BCAT2: variants seen among roughly 807,000 people sequenced by gnomAD.
The protein encoded by BCAT2 is branched-chain-amino-acid aminotransferase, mitochondrial.
A neutral mutation model predicts 52.9 loss-of-function variants in BCAT2; 44 were observed. That is an observed-to-expected ratio of 0.83 (90% CI 0.65 to 1.07). The LOEUF is 1.07. Ranked by LOEUF, BCAT2 falls within the 50% of genes least tolerant of loss-of-function variation. The pLI is 0.00. For missense variants in BCAT2, 478 were observed against 521.8 expected (o/e 0.92, Z 0.82); for synonymous variants, 215 against 217.1 (o/e 0.99, Z 0.08).
rs1377095264 is a variant in BCAT2, at chr19:48,797,014, G to C, written c.847C>G (p.Leu283Val). The C allele has an allele frequency of 3.7e-6, 6 of 1,614,066 alleles. No individual in the cohort carries two copies. Among genetic ancestry groups the C allele is most frequent in the African/African-American group, 1.3e-5 (1 of 74,922 alleles). ...ACACCATTCAGCGGGGGCGTCACCA[G>C]CTCCAGCACTAGGGCAGGTGTAAGG... ...YWTHEDGVLE[L>V]VTPPLNGVIL... The change falls in exon 8 of 11, where the codon CTG (leucine) becomes GTG (valine). Residue 283 changes from leucine (L) to valine (V), a missense_variant. Leu to Val is a conservative substitution (Grantham distance 32, BLOSUM62 1). Transcript: ENST00000316273.
chr19:48,798,028 A>G (rs1403322619), intron 6 of BCAT2, among the ~76,000 whole-genome samples: 1 of 151,886 alleles, frequency 6.6e-6, no homozygotes, highest in Non-Finnish European at 1.5e-5. Context: ...TCAGCCCCCC[A>G]AAGTGCTGGG....
intron 6 of BCAT2, chr19:48,797,553 C>G: frequency 1.7e-6 from 1 of 594,558 alleles, no homozygotes; most frequent in Non-Finnish European, 2.9e-6. Flanking sequence ...TCTTTCTTTT[C>G]TTTTCTTTTT....
In BCAT2 at chr19:48,800,189, G is replaced by A; in HGVS notation, c.409C>T (p.Pro137Ser). ...MLRSAMRLCL[P>S]SFDKLELLEC... ...CCCGGTGGACCGGGACCCCTCACCGGCAGGCACAGGCGCATGGCTGAGCGC... is the reference window on the plus strand; with the variant it reads ...CCCGGTGGACCGGGACCCCTCACCGACAGGCACAGGCGCATGGCTGAGCGC... Residue 137 changes from proline (P) to serine (S), a missense_variant and splice_region_variant, in exon 4 of 11, where the codon CCG (proline) becomes TCG (serine). Transcript: ENST00000316273. The A allele has an allele frequency of 6.2e-7, 1 of 1,613,284 alleles. No homozygotes were observed. The highest frequency in any genetic ancestry group is 8.5e-7 in the Non-Finnish European group (1 of 1,179,778).
At chr19:48,801,619 G>GT (rs1253924700) in intron 3 of BCAT2, among the ~76,000 whole-genome samples, 1 of 151,822 alleles carries the variant, frequency 6.6e-6, no homozygotes, top group African/African-American at 2.4e-5. Flanking sequence ...AAAAATAACT[G>GT]TTTTATATCT....
chr19:48,796,368 G>C, intron 10 of BCAT2, 60 bp downstream of exon 10: 2 of 1,601,312 alleles, frequency 1.2e-6, no homozygotes, highest in East Asian at 4.5e-5. Flanking sequence ...GGGGCTCATG[G>C]GACACCAACT....
At chr19:48,801,343 C>T (rs2034653780) in intron 3 of BCAT2, among the ~76,000 whole-genome samples, 1 of 151,374 alleles carries the variant, frequency 6.6e-6, no homozygotes, top group African/African-American at 2.4e-5. Flanking sequence ...ACCACCACCA[C>T]AAAAATGAGG....
Position 48,810,992 on chromosome 19 carries a change from G to C in BCAT2, c.16C>G (p.Leu6Val). The C allele has an allele frequency of 6.2e-7, 1 of 1,608,328 alleles. No homozygotes were observed. Among genetic ancestry groups the C allele is most frequent in the Non-Finnish European group, 8.5e-7 (1 of 1,178,140 alleles). Reference protein sequence around the residue: MAAAALGQIWARKLLS... With the variant: MAAAAVGQIWARKLLS... ...CGGGGCTGCGAACCCACCTGCCCCA[G>C]AGCGGCTGCGGCCATGATCCGTGCG... is the stretch of plus-strand genomic sequence containing the variant. Residue 6 changes from leucine (L) to valine (V), a missense_variant, in exon 1 of 11, where the codon CTG becomes GTG. Physicochemically the swap from Leu to Val is conservative, Grantham distance 32. Coordinates refer to ENST00000316273, the MANE Select transcript of BCAT2 (RefSeq NM_001190.4).
chr19:48,797,083 G>A (rs2034541476), intron 7 of BCAT2, 61 bp from the exon 8 acceptor site: 5 of 1,610,544 alleles, frequency 3.1e-6, no homozygotes, highest in East Asian at 4.5e-5. Flanking sequence ...GCCGTCTTAA[G>A]AGCCACCCCC....
Position 48,807,108 on chromosome 19 carries a change from T to C in BCAT2, c.25-34A>G. On this transcript the variant is annotated intron_variant, in intron 1 of 10. Coordinates refer to ENST00000316273, the MANE Select transcript of BCAT2 (RefSeq NM_001190.4). The surrounding 1 kb of genome is among the most constrained non-coding windows in gnomAD (Gnocchi z 4.6). ...AGAAAGAAGTGAGAGAGGGGGTGAG[T>C]GGGGCACAGCAGGGGCCCTGGCAGC... The C allele has an allele frequency of 6.3e-7, 1 of 1,584,604 alleles. No homozygotes were observed. Among genetic ancestry groups the C allele is most frequent in the Non-Finnish European group, 8.6e-7 (1 of 1,157,632 alleles).
rs1005224485 is a variant in BCAT2, at chr19:48,807,336, A to G, written c.25-262T>C. ...GTCAAACGCAAGCGCCTCCCACCCC[A>G]GAGACCTTTGGTCGCAGCCTGGAGA... is the stretch of plus-strand genomic sequence containing the variant. On this transcript the variant is annotated intron_variant, in intron 1 of 10. Coordinates refer to ENST00000316273, the MANE Select transcript of BCAT2 (RefSeq NM_001190.4). The surrounding 1 kb of genome is among the most constrained non-coding windows in gnomAD (Gnocchi z 4.6). 1.0e-5 allele frequency: 4 copies of G among 400,322 alleles called. No individual in the cohort carries two copies. The highest frequency in any genetic ancestry group is 2.1e-5 in the African/African-American group (1 of 47,558). 24.8% of individuals were successfully genotyped at this position (400,322 alleles called of 1,614,324 possible).
chr19:48,799,947 C>G lies in BCAT2; in HGVS notation c.531+34G>C, dbSNP rs757000896. 32 of 1,610,190 alleles carry G rather than the reference C, an allele frequency of 2.0e-5. No individual in the cohort carries two copies. Among genetic ancestry groups the G allele is most frequent in the Non-Finnish European group, 2.5e-5 (29 of 1,177,584 alleles). On this transcript the variant is annotated intron_variant, in intron 5 of 10. Coordinates refer to ENST00000316273, the MANE Select transcript of BCAT2 (RefSeq NM_001190.4). This position sits in a 1 kb window ranked among gnomAD's most constrained non-coding sequence, Gnocchi z 5.5. The stretch of plus-strand genomic sequence containing the variant: ...CCTGCCCTGCAGAATCCAACCCCCG[C>G]AGCCCAGCTTCCCAGCCCTGGAGTT...
chr19:48,796,373 C>G, intron 10 of BCAT2, 55 bp downstream of exon 10: 13 of 1,608,274 alleles, frequency 8.1e-6, no homozygotes, highest in Non-Finnish European at 1.1e-5. Context: ...TCATGGGACA[C>G]CAACTTCTCC....
At position 48,796,687 on chromosome 19, in the gene BCAT2, G is replaced by T; in HGVS notation, c.956C>A (p.Thr319Asn). 6.2e-7 allele frequency: 1 copy of T among 1,613,156 alleles called. No homozygotes were observed. Among genetic ancestry groups the T allele is most frequent in the African/African-American group, 1.3e-5 (1 of 75,078 alleles). Reference protein sequence around the residue: ...GEFRVVERTITMKQLLRALEE... With the variant: ...GEFRVVERTINMKQLLRALEE... Reference sequence around the variant, plus strand: ...CAGGGCCCGCAGCAACTGCTTCATGGTGATCGTGCGCTCCACCACCCGGAA... The same window carrying T: ...CAGGGCCCGCAGCAACTGCTTCATGTTGATCGTGCGCTCCACCACCCGGAA... The change falls in exon 9 of 11, where the codon ACC becomes AAC. Residue 319 changes from threonine (T) to asparagine (N), a missense_variant. Physicochemically the swap from Thr to Asn is moderately conservative, Grantham distance 65. Coordinates refer to ENST00000316273, the MANE Select transcript of BCAT2 (RefSeq NM_001190.4).
Position 48,799,048 on chromosome 19 carries a change from T to C in BCAT2, c.695+627A>G, listed in dbSNP as rs1264251533. Reference sequence around the variant, plus strand: ...CAGGAGAGCAGGGCTCGGGGCTGACTCATCTGTGTCCCCAGCTTCTGCCAG... The same window carrying C: ...CAGGAGAGCAGGGCTCGGGGCTGACCCATCTGTGTCCCCAGCTTCTGCCAG... On this transcript the variant is annotated intron_variant, in intron 6 of 10. Coordinates refer to ENST00000316273, the MANE Select transcript of BCAT2 (RefSeq NM_001190.4). The surrounding 1 kb of genome is among the most constrained non-coding windows in gnomAD (Gnocchi z 5.5). 1 of 152,242 alleles carries C rather than the reference T, an allele frequency of 6.6e-6. No homozygotes were observed. The highest frequency in any genetic ancestry group is 2.4e-5 in the African/African-American group (1 of 41,386). The allele number at this position is 152,242 out of a possible 1,614,324, so 9.4% of individuals were successfully genotyped here. A position where few individuals can be genotyped will look rare whatever the true frequency, so the allele number is the denominator to read the frequency against.
At chr19:48,797,672 T>TCCTGAGTAACTGGAGTAA (rs1555773392) in intron 6 of BCAT2, 4 of 285,070 alleles carry the variant, frequency 1.4e-5, no homozygotes, top group Admixed American at 4.8e-5. Flanking sequence ...TGCCTCAGCC[T>TCCTGAGTAACTGGAGTAA]CTCTTGACCT....
intron 6 of BCAT2, among the ~76,000 whole-genome samples, chr19:48,798,547 T>C (rs2034582530): frequency 6.6e-6 from 1 of 152,192 alleles, no homozygotes; most frequent in Non-Finnish European, 1.5e-5. Context: ...CTGGAAACAG[T>C]TTGCTGACTT....
chr19:48,802,441 C>CTTTTTT (rs35775607), intron 3 of BCAT2, among the ~76,000 whole-genome samples: 22 of 87,024 alleles, frequency 2.5e-4, no homozygotes, highest in East Asian at 7.3e-4. Flanking sequence ...TACTGGATTC[C>CTTTTTT]TTTTTTTTTT....
At position 48,796,923 on chromosome 19, in the gene BCAT2, T is replaced by C; in HGVS notation, c.924+14A>G. 1 of 1,613,684 alleles carries C rather than the reference T, an allele frequency of 6.2e-7. No individual in the cohort carries two copies. The highest frequency in any genetic ancestry group is 8.5e-7 in the Non-Finnish European group (1 of 1,179,568). On this transcript the variant is annotated intron_variant, in intron 8 of 10. Coordinates refer to ENST00000316273, the MANE Select transcript of BCAT2 (RefSeq NM_001190.4). ...GCACATGGCGCCCATCACCAGAAGATGCCATGTCCTCACCCAGGTCTGAGC... is the reference window on the plus strand; with the variant it reads ...GCACATGGCGCCCATCACCAGAAGACGCCATGTCCTCACCCAGGTCTGAGC...
intron 2 of BCAT2, 78 bp from the exon 3 acceptor site, chr19:48,806,795 G>C: frequency 1.3e-6 from 2 of 1,542,358 alleles, no homozygotes; most frequent in Middle Eastern, 1.7e-4. Context: ...GAAGCCCTGG[G>C]CCTCAGACCC....
Sources: gnomAD v4.1 joint callset for allele counts (sites outside exome capture counted in the v4.1 genomes callset) on GRCh38, gnomAD v4.1.1 for gene constraint, Gnocchi (gnomAD v3.1) non-coding constraint, MANE v1.5 for transcripts, NCBI Gene and HGNC (gene_info 2026-07-23, HGNC 2026-07-21) for gene names.